Variants in MTREX observed in about 807,000 individuals in gnomAD.
MTREX encodes the protein Mtr4 exosome RNA helicase.
In MTREX, 76 loss-of-function variants were observed where a neutral mutation model predicts 135.4. The ratio of observed to expected loss-of-function variants is 0.56; its 90% CI spans 0.47 to 0.68. The LOEUF (loss-of-function observed/expected upper bound fraction) is 0.68. Ranked by LOEUF, MTREX falls within the 30% of genes least tolerant of loss-of-function variation. The pLI is 0.00. For synonymous variants in MTREX, 404 were observed against 401.6 expected, an observed-to-expected ratio of 1.01 and a Z score of -0.07; for missense variants, 920 against 1,262.1, an observed-to-expected ratio of 0.73 and a Z score of 4.11.
At chr5:55,418,168 A>G (rs1385252748) in intron 25 of MTREX, among the ~76,000 whole-genome samples, 1 of 149,252 alleles carries the variant, frequency 6.7e-6, no homozygotes, top group Non-Finnish European at 1.5e-5. Context: ...TGGGAGGCAG[A>G]GCTTGCAGTG....
At chr5:55,413,055 T>A (rs1750908151) in intron 23 of MTREX, among the ~76,000 whole-genome samples, 1 of 151,606 alleles carries the variant, frequency 6.6e-6, no homozygotes, top group South Asian at 2.1e-4. Context: ...AAAAAAAAAA[T>A]TAGCGATCGG....
intron 18 of MTREX, among the ~76,000 whole-genome samples, chr5:55,387,353 T>A (rs1020862365): frequency 1.3e-5 from 2 of 152,122 alleles, no homozygotes; most frequent in Admixed American, 6.5e-5. Flanking sequence ...TAGTCAAGTC[T>A]TTGCTGTATA....
In MTREX at chr5:55,328,814, G is replaced by A; in HGVS notation, c.515+3G>A. 1 of 1,557,400 alleles carries A rather than the reference G, an allele frequency of 6.4e-7. No individual in the cohort carries two copies. The highest frequency in any genetic ancestry group is 8.8e-7 in the Non-Finnish European group (1 of 1,134,140). On this transcript the variant is annotated splice_donor_region_variant and intron_variant, in intron 5 of 26. Coordinates refer to ENST00000230640, the MANE Select transcript of MTREX (RefSeq NM_015360.5). Reference sequence around the variant, plus strand: ...GCGGGAAAAACAGTATGCGCCGAGTGAGTAGCTTCCTTTTTAAAGTCACTT... The same window carrying A: ...GCGGGAAAAACAGTATGCGCCGAGTAAGTAGCTTCCTTTTTAAAGTCACTT...
At chr5:55,415,198 T>G (rs1750948712) in intron 24 of MTREX, among the ~76,000 whole-genome samples, 2 of 146,614 alleles carry the variant, frequency 1.4e-5, no homozygotes, top group African/African-American at 2.5e-5. Flanking sequence ...GGGAGGAGAG[T>G]GGGAGGAAGG....
chr5:55,333,940 T>C (rs1749514370), intron 5 of MTREX, among the ~76,000 whole-genome samples: 1 of 152,134 alleles, frequency 6.6e-6, no homozygotes, highest in Admixed American at 6.6e-5. Flanking sequence ...ACAATCCAGA[T>C]GTCCATCAGT....
intron 22 of MTREX, among the ~76,000 whole-genome samples, chr5:55,408,781 T>C (rs1750843721): frequency 6.6e-6 from 1 of 152,102 alleles, no homozygotes; most frequent in Non-Finnish European, 1.5e-5. Flanking sequence ...TTTGCAGTTA[T>C]TACTCAAATC....
Position 55,424,307 on chromosome 5 carries a change from G to A in MTREX, c.3077-413G>A, listed in dbSNP as rs375622885. 96 of 153,364 alleles carry A rather than the reference G, an allele frequency of 6.3e-4. No individual in the cohort carries two copies. In the East Asian group the frequency reaches 9.2e-3, roughly 15 times the overall value. The allele number at this position is 153,364 out of a possible 1,614,324, so 9.5% of individuals were successfully genotyped here. A position where few individuals can be genotyped will look rare whatever the true frequency, so the allele number is the denominator to read the frequency against. ...ACTACAGGCATGCGCCACCACGCCC[G>A]GCTGATTTTGTATTTCTAGTAGAGA... On this transcript the variant is annotated intron_variant, in intron 26 of 26. Transcript: ENST00000230640.
In MTREX at chr5:55,348,109, G is replaced by T. The variant is rs566508347; in HGVS notation, c.1240+965G>T. Among the ~76,000 whole-genome samples, 23 of 152,304 alleles carry T rather than the reference G, an allele frequency of 1.5e-4. No individual in the cohort carries two copies. The East Asian group carries it at 4.4e-3, about 29-fold the overall frequency. On this transcript the variant is annotated intron_variant, in intron 11 of 26. Coordinates refer to ENST00000230640, the MANE Select transcript of MTREX (RefSeq NM_015360.5). ...ATCACTAGGTAATTTATGAAAGGCAGAAATTTATTTCTTATAGTTTGAGAG... is the reference window on the plus strand; with the variant it reads ...ATCACTAGGTAATTTATGAAAGGCATAAATTTATTTCTTATAGTTTGAGAG...
intron 11 of MTREX, 84 bp from the exon 12 acceptor site, chr5:55,349,489 T>C (rs139708490): frequency 7.5e-6 from 6 of 794,826 alleles, no homozygotes; most frequent in African/African-American, 5.2e-5. Flanking sequence ...ACGCCTGGCC[T>C]TTAGATTCTT....
chr5:55,363,069 A>G (rs995257727), intron 15 of MTREX, among the ~76,000 whole-genome samples: 1 of 149,022 alleles, frequency 6.7e-6, no homozygotes, highest in African/African-American at 2.5e-5. Context: ...CTTTTCAACA[A>G]TGAATCAAAT....
At chr5:55,364,852 T>C (rs1316073551) in intron 15 of MTREX, among the ~76,000 whole-genome samples, 1 of 152,182 alleles carries the variant, frequency 6.6e-6, no homozygotes, top group African/African-American at 2.4e-5. Context: ...TCATTAACCA[T>C]CAATATATGT....
chr5:55,362,758 A>G (rs1212089395), intron 15 of MTREX, among the ~76,000 whole-genome samples: 1 of 152,216 alleles, frequency 6.6e-6, no homozygotes, highest in Non-Finnish European at 1.5e-5. Context: ...AGTTGAGTAA[A>G]TGAGAAAGTG....
At position 55,400,277 on chromosome 5, in the gene MTREX, T is replaced by C. The variant is rs745556240; in HGVS notation, c.2337T>C (p.Pro779=). 3 of 1,612,220 alleles carry C rather than the reference T, an allele frequency of 1.9e-6. No individual in the cohort carries two copies. Among genetic ancestry groups the C allele is most frequent in the South Asian group, 2.2e-5 (2 of 90,782 alleles). Residue 779 remains proline, a synonymous_variant, in exon 21 of 27, where the codon CCT becomes CCC. Transcript: ENST00000230640. The part of the protein sequence containing the change: ...RFPDGIPLLD[P]IDDMGIQDQG... Reference sequence around the variant, plus strand: ...CTGACGGCATCCCCTTATTAGACCCTATTGATGATATGGGCATTCAAGATC... The same window carrying C: ...CTGACGGCATCCCCTTATTAGACCCCATTGATGATATGGGCATTCAAGATC...
intron 23 of MTREX, among the ~76,000 whole-genome samples, chr5:55,410,934 G>C (rs1465492970): frequency 6.6e-6 from 1 of 152,150 alleles, no homozygotes; most frequent in Non-Finnish European, 1.5e-5. Flanking sequence ...GAAATAAAAA[G>C]ATGAGTGAGA....
Position 55,341,668 on chromosome 5 carries a change from C to CT in MTREX, c.691-7dup. ...AGAATCCAACTAAATACATTTTTTA[C>CT]TTTTTTCTTTAGATTTTGAGAAGTA... On this transcript the variant is annotated splice_polypyrimidine_tract_variant and intron_variant, in intron 6 of 26. Transcript: ENST00000230640. The CT allele has an allele frequency of 6.7e-7, 1 of 1,484,450 alleles. No homozygotes were observed. Among genetic ancestry groups the CT allele is most frequent in the African/African-American group, 1.4e-5 (1 of 71,378 alleles). The allele number at this position is 1,484,450 out of a possible 1,614,324, so 92.0% of individuals were successfully genotyped here. A position where few individuals can be genotyped will look rare whatever the true frequency, so the allele number is the denominator to read the frequency against.
Position 55,350,956 on chromosome 5 carries a change from G to A in MTREX, c.1358G>A (p.Gly453Asp). 1 of 1,606,678 alleles carries A rather than the reference G, an allele frequency of 6.2e-7. No homozygotes were observed. Among genetic ancestry groups the A allele is most frequent in the South Asian group, 1.1e-5 (1 of 88,510 alleles). The change falls in exon 13 of 27, where the codon GGT (glycine) becomes GAT (aspartate). Residue 453 changes from glycine to aspartate, a missense_variant. By Grantham distance (94) the Gly-to-Asp change is moderately conservative. Coordinates refer to ENST00000230640, the MANE Select transcript of MTREX (RefSeq NM_015360.5). ...HVLPLLKRGI[G>D]IHHGGLLPIL... ...CTTCCTCTTTTGAAGAGGGGAATTGGTATTCACCATGGTGGTTTACTTCCT... is the reference window on the plus strand; with the variant it reads ...CTTCCTCTTTTGAAGAGGGGAATTGATATTCACCATGGTGGTTTACTTCCT...
At chr5:55,358,112 A>G (rs1040037256) in intron 14 of MTREX, among the ~76,000 whole-genome samples, 2 of 152,152 alleles carry the variant, frequency 1.3e-5, no homozygotes, top group Non-Finnish European at 2.9e-5. Context: ...TGAGGCGGGC[A>G]GATCACAAGG....
At chr5:55,383,334 TG>T (rs771530872) in intron 18 of MTREX, among the ~76,000 whole-genome samples, 49 of 152,320 alleles carry the variant, frequency 3.2e-4, no homozygotes, top group Admixed American at 1.8e-3. Flanking sequence ...AACTTCTTTT[TG>T]TGTTTCTTGT....
At chr5:55,376,267 T>C (rs1039573404) in intron 16 of MTREX, among the ~76,000 whole-genome samples, 4 of 152,262 alleles carry the variant, frequency 2.6e-5, no homozygotes, top group Non-Finnish European at 5.9e-5. Context: ...ATCAGTCATA[T>C]AGGAATATGG....
Sources: gnomAD v4.1 joint callset for allele counts (sites outside exome capture counted in the v4.1 genomes callset) on GRCh38, gnomAD v4.1.1 for gene constraint, MANE v1.5 for transcripts, NCBI Gene and HGNC (gene_info 2026-07-23, HGNC 2026-07-21) for gene names.